Variants in HTT observed in about 807,000 individuals in gnomAD.
HTT encodes huntingtin, also known as huntington disease protein.
HTT carries 104 observed loss-of-function variants against 362.3 expected under a neutral mutation model. The ratio of observed to expected loss-of-function variants is 0.29; its 90% confidence interval spans 0.24 to 0.34. HTT has a LOEUF of 0.34. HTT is among the 10% of genes least tolerant of loss of function. HTT has a pLI of 1.00. For synonymous variants in HTT, 1,577 were observed against 1,548.7 expected (o/e 1.02, Z -0.43); for missense variants, 3,301 against 3,928.6 (o/e 0.84, Z 4.27).
intron 41 of HTT, among the ~76,000 whole-genome samples, chr4:3,202,667 A>G (rs569040285): frequency 6.6e-6 from 1 of 152,006 alleles, no homozygotes; most frequent in South Asian, 2.1e-4. Context: ...AGGTCTAACC[A>G]CCAATCCGTG....
At chr4:3,181,188 T>C (rs1718509487) in intron 36 of HTT, among the ~76,000 whole-genome samples, 1 of 152,096 alleles carries the variant, frequency 6.6e-6, no homozygotes, top group Non-Finnish European at 1.5e-5. Context: ...AGCCTGGTGT[T>C]TATCTTTAAA....
At chr4:3,234,906 G>T (rs1467434877) in intron 61 of HTT, among the ~76,000 whole-genome samples, 1 of 152,192 alleles carries the variant, frequency 6.6e-6, no homozygotes, top group East Asian at 1.9e-4. Context: ...ATGATGGCAT[G>T]TGCCATGAAG....
intron 65 of HTT, 49 bp from the exon 66 acceptor site, chr4:3,238,769 T>G: frequency 9.2e-7 from 1 of 1,091,940 alleles, no homozygotes; most frequent in Non-Finnish European, 1.3e-6. Flanking sequence ...CAGCAGGTGC[T>G]TCCCGTCCCC....
chr4:3,215,306 G>A, intron 51 of HTT, 95 bp downstream of exon 51: 2 of 848,890 alleles, frequency 2.4e-6, no homozygotes, highest in Non-Finnish European at 1.9e-6. Context: ...GTGGACTCCT[G>A]GAAGCGCACC....
chr4:3,236,343 G>T, intron 64 of HTT, 89 bp downstream of exon 64: 1 of 918,862 alleles, frequency 1.1e-6, no homozygotes. Flanking sequence ...CTGATCCCCT[G>T]GCGCTGTTGC....
At chr4:3,208,730 A>G in intron 45 of HTT, 43 bp from the exon 46 acceptor site, 1 of 1,544,126 alleles carries the variant, frequency 6.5e-7, no homozygotes, top group Non-Finnish European at 8.7e-7. Flanking sequence ...AAAAAAAAAA[A>G]AAAACAAATT....
At chr4:3,171,878 A>C (rs1182667321) in intron 29 of HTT, among the ~76,000 whole-genome samples, 1 of 152,162 alleles carries the variant, frequency 6.6e-6, no homozygotes, top group Non-Finnish European at 1.5e-5. Context: ...TTATTTGGTC[A>C]TTTTTGCAGA....
Position 3,107,297 on chromosome 4 carries a change from G to A in HTT, c.621G>A (p.Val207=), listed in dbSNP as rs1371612129. The A allele has an allele frequency of 1.9e-6, 3 of 1,614,206 alleles. No homozygotes were observed. The South Asian group carries it at 3.3e-5, about 18-fold the overall frequency. Reference sequence around the variant, plus strand: ...TTTGCATACACAGGCCTTACCTGGTGAACCTTCTGCCGTGCCTGACTCGAA... The same window carrying A: ...TTTGCATACACAGGCCTTACCTGGTAAACCTTCTGCCGTGCCTGACTCGAA... ...VRPQKCRPYL[V]NLLPCLTRTS... The change falls in exon 6 of 67, where the codon GTG becomes GTA. Residue 207 remains valine, a synonymous_variant. Coordinates refer to ENST00000355072, the MANE Select transcript of HTT (RefSeq NM_001388492.1).
At chr4:3,202,493 G>C (rs1578584415) in intron 41 of HTT, among the ~76,000 whole-genome samples, 1 of 152,144 alleles carries the variant, frequency 6.6e-6, no homozygotes, top group African/African-American at 2.4e-5. Flanking sequence ...CACGTTTCCT[G>C]TTCGTTAGTT....
chr4:3,204,797 C>A (rs1486377610), intron 42 of HTT, among the ~76,000 whole-genome samples: 1 of 152,032 alleles, frequency 6.6e-6, no homozygotes, highest in African/African-American at 2.4e-5. Context: ...AGAAACCCTG[C>A]CTCTACCAAA....
At chr4:3,086,741 A>G (rs1420605061) in intron 1 of HTT, among the ~76,000 whole-genome samples, 198 bp from the exon 2 acceptor site, 1 of 152,184 alleles carries the variant, frequency 6.6e-6, no homozygotes. Flanking sequence ...TTTTTCTGTG[A>G]GCAGCGTAGC....
At chr4:3,099,420 C>T in intron 3 of HTT, 26 bp downstream of exon 3, 2 of 1,612,836 alleles carry the variant, frequency 1.2e-6, no homozygotes, top group African/African-American at 1.3e-5. Context: ...ATGATGTTCT[C>T]CTCAGAGCTA....
At chr4:3,211,871 G>T in intron 47 of HTT, 58 bp from the exon 48 acceptor site, 1 of 1,253,766 alleles carries the variant, frequency 8.0e-7, no homozygotes, top group Non-Finnish European at 1.2e-6. Flanking sequence ...TTTCTTACCT[G>T]ATTGAAAGCT....
intron 25 of HTT, among the ~76,000 whole-genome samples, chr4:3,147,677 C>T (rs191087324): frequency 4.1e-4 from 62 of 152,216 alleles, no homozygotes; most frequent in African/African-American, 1.5e-3. Flanking sequence ...GGCTTTGGGA[C>T]TGTAGGGAAG....
At chr4:3,192,076 T>G (rs569318454) in intron 40 of HTT, among the ~76,000 whole-genome samples, 1 of 152,202 alleles carries the variant, frequency 6.6e-6, no homozygotes, top group Admixed American at 6.5e-5. Flanking sequence ...ATTTTTAAAT[T>G]TTATTTTAAA....
intron 47 of HTT, 114 bp downstream of exon 47, chr4:3,210,063 G>A: frequency 7.5e-7 from 1 of 1,325,708 alleles, no homozygotes; most frequent in East Asian, 2.4e-5. Flanking sequence ...GGGGACTCCA[G>A]TCTGGGCAGG....
intron 40 of HTT, 94 bp downstream of exon 40, chr4:3,189,187 C>A: frequency 1.6e-6 from 2 of 1,271,550 alleles, no homozygotes; most frequent in Admixed American, 2.2e-5. Flanking sequence ...CCGGTAGAAA[C>A]TCTGCCTTGC....
intron 49 of HTT, 116 bp downstream of exon 49, chr4:3,212,825 T>C: frequency 9.1e-7 from 1 of 1,093,386 alleles, no homozygotes; most frequent in Non-Finnish European, 1.3e-6. Flanking sequence ...CCAGTCACTT[T>C]TCCATCTCAG....
At chr4:3,207,018 T>G in intron 44 of HTT, 35 bp downstream of exon 44, 1 of 1,574,558 alleles carries the variant, frequency 6.4e-7, no homozygotes, top group Non-Finnish European at 8.6e-7. Context: ...TTGATTTATA[T>G]TGAAAATTTA....
Sources: allele counts gnomAD v4.1 joint callset (sites outside exome capture counted in the v4.1 genomes callset), GRCh38; gene constraint gnomAD v4.1.1; transcripts MANE v1.5; gene names NCBI Gene and HGNC (gene_info 2026-07-23, HGNC 2026-07-21).